NREP: variants seen among roughly 807,000 people sequenced by gnomAD.
The protein encoded by NREP is neuronal regeneration-related protein.
NREP carries 5 observed loss-of-function variants against 8.6 expected under a neutral mutation model. The observed-to-expected ratio is 0.58, with a 90% CI of 0.30 to 1.22. The LOEUF (loss-of-function observed/expected upper bound fraction) is 1.22. NREP is among the 50% of genes most tolerant of loss of function. The probability of loss-of-function intolerance (pLI) is 0.07; values close to 1 mark genes in which losing one functional copy is unlikely to be tolerated. For synonymous variants in NREP, 27 were observed against 28.0 expected (o/e 0.96, Z 0.11); for missense variants, 86 against 82.5 (o/e 1.04, Z -0.17).
intron 2 of NREP, among the ~76,000 whole-genome samples, chr5:111,903,082 C>CTTTTTTTT (rs759722512): frequency 4.1e-5 from 5 of 122,724 alleles, no homozygotes; most frequent in East Asian, 2.5e-4. Context: ...TGTCTTTTCT[C>CTTTTTTTT]TTTTTTTTTT....
intron 2 of NREP, among the ~76,000 whole-genome samples, chr5:111,804,912 G>A (rs10077100): frequency 0.81 from 123,218 of 152,082 alleles, 50,175 homozygotes; most frequent in East Asian, 0.95. Flanking sequence ...GAGGCAGGAG[G>A]ATGGCGTGAA....
At chr5:111,766,168 T>TG (rs1182314590) in intron 2 of NREP, among the ~76,000 whole-genome samples, 2 of 152,232 alleles carry the variant, frequency 1.3e-5, no homozygotes, top group East Asian at 3.8e-4. Context: ...CACAACTTGC[T>TG]GGAATCAAAT....
intron 2 of NREP, among the ~76,000 whole-genome samples, chr5:111,917,874 A>G (rs1200622393): frequency 6.6e-6 from 1 of 152,084 alleles, no homozygotes; most frequent in Non-Finnish European, 1.5e-5. Flanking sequence ...TCAGGCAACA[A>G]AAAGAAATAA....
intron 2 of NREP, among the ~76,000 whole-genome samples, chr5:111,877,013 A>G (rs985682904): frequency 6.6e-6 from 1 of 152,150 alleles, no homozygotes; most frequent in Non-Finnish European, 1.5e-5. Context: ...AAATAATAAC[A>G]TATTTTGTAT....
intron 2 of NREP, among the ~76,000 whole-genome samples, chr5:111,882,850 C>G (rs1236942962): frequency 6.6e-6 from 1 of 152,192 alleles, no homozygotes. Flanking sequence ...AAGGAACAAC[C>G]GGTACCAGCC....
At chr5:111,825,754 C>T (rs1173032272) in intron 2 of NREP, among the ~76,000 whole-genome samples, 5 of 152,128 alleles carry the variant, frequency 3.3e-5, no homozygotes, top group African/African-American at 1.2e-4. Context: ...CAACTATCTA[C>T]CATCACAGTG....
intron 2 of NREP, among the ~76,000 whole-genome samples, chr5:111,957,842 G>T (rs956996474): frequency 1.3e-5 from 2 of 151,822 alleles, no homozygotes; most frequent in African/African-American, 4.8e-5. Context: ...GGGAAAAATA[G>T]ACACTTAAAA....
At chr5:111,896,065 C>A (rs1754504259) in intron 2 of NREP, among the ~76,000 whole-genome samples, 1 of 152,126 alleles carries the variant, frequency 6.6e-6, no homozygotes, top group South Asian at 2.1e-4. Flanking sequence ...TAACATGATT[C>A]TTTTTTGTTT....
chr5:111,924,901 G>A (rs908540405), intron 2 of NREP, among the ~76,000 whole-genome samples: 3 of 152,072 alleles, frequency 2.0e-5, no homozygotes, highest in Non-Finnish European at 4.4e-5. Context: ...AAGGATGCTG[G>A]CTCCCATGTG....
intron 2 of NREP, among the ~76,000 whole-genome samples, chr5:111,929,085 T>A (rs1224525192): frequency 6.6e-6 from 1 of 152,112 alleles, no homozygotes; most frequent in African/African-American, 2.4e-5. Context: ...CTCCTCCTTA[T>A]CCCCTCTACA....
At chr5:111,975,285 C>A in exon 2 of NREP, 4 of 1,550,902 alleles carry the variant, frequency 2.6e-6, no homozygotes, top group Non-Finnish European at 2.6e-6. Flanking sequence ...CAATTCAGAA[C>A]AGAAATCTGG....
In NREP at chr5:111,923,422, C is replaced by A. The variant is rs1368647345; in HGVS notation, c.135+51852G>T. On this transcript the variant is annotated intron_variant, in intron 2 of 3. Coordinates refer to the NREP transcript ENST00000395634. ...ACTTTCTCACAGTCATGTTCAGGTT[C>A]CCCAGTTTCCTCTGGGAGGAAGGTG... Among the ~76,000 whole-genome samples, 6 of 152,156 alleles carry A rather than the reference C, an allele frequency of 3.9e-5. 1 individual carries two copies. The highest frequency in any genetic ancestry group is 2.6e-4 in the Admixed American group (4 of 15,272).
chr5:111,886,832 G>C (rs1192215398), intron 2 of NREP, among the ~76,000 whole-genome samples: 4 of 151,542 alleles, frequency 2.6e-5, no homozygotes, highest in Admixed American at 2.6e-4. Flanking sequence ...TGGGGTTGGG[G>C]GACGGGGGAG....
chr5:111,960,571 G>T (rs1294377765), intron 2 of NREP, among the ~76,000 whole-genome samples: 3 of 152,148 alleles, frequency 2.0e-5, no homozygotes, highest in Non-Finnish European at 2.9e-5. Flanking sequence ...GAATATAATA[G>T]TTCATGAGTA....
intron 2 of NREP, among the ~76,000 whole-genome samples, chr5:111,896,371 T>A (rs1311680101): frequency 6.6e-6 from 1 of 152,150 alleles, no homozygotes; most frequent in Non-Finnish European, 1.5e-5. Context: ...AGAGGAAAAA[T>A]CAACAATTCT....
intron 2 of NREP, among the ~76,000 whole-genome samples, chr5:111,938,733 C>T: frequency 6.6e-6 from 1 of 152,002 alleles, no homozygotes; most frequent in East Asian, 1.9e-4. Context: ...GGGAACAGAA[C>T]TTAGGGCATA....
chr5:111,962,398 G>C (rs1756505020), intron 2 of NREP, among the ~76,000 whole-genome samples: 1 of 152,050 alleles, frequency 6.6e-6, no homozygotes, highest in African/African-American at 2.4e-5. Flanking sequence ...ATCTACAAAA[G>C]GAGAGAAATC....
In NREP at chr5:111,959,444, A is replaced by G. The variant is rs75476417; in HGVS notation, c.135+15830T>C. 2.4e-3 allele frequency among the ~76,000 whole-genome samples: 366 copies of G among 152,130 alleles called. 5 individuals carry two copies. In the East Asian group the frequency reaches 0.036, roughly 15 times the overall value. On this transcript the variant is annotated intron_variant, in intron 2 of 3. Coordinates refer to the NREP transcript ENST00000395634. The stretch of plus-strand genomic sequence containing the variant: ...TATACATACATGTGTACTTTTCTAT[A>G]TGTACATTAGCTAAATTTAAAATTT...
chr5:111,921,538 A>G (rs1156397834), intron 2 of NREP, among the ~76,000 whole-genome samples: 2 of 152,132 alleles, frequency 1.3e-5, no homozygotes, highest in Admixed American at 1.3e-4. Flanking sequence ...TAGTCCCCTC[A>G]TATTTTGTAG....
Sources: allele counts gnomAD v4.1 joint callset (sites outside exome capture counted in the v4.1 genomes callset), GRCh38; gene constraint gnomAD v4.1.1; transcripts MANE v1.5; gene names NCBI Gene and HGNC (gene_info 2026-07-23, HGNC 2026-07-21).